Variants in NCOA6 observed in about 807,000 individuals in gnomAD.
NCOA6 encodes the protein NRC RAP250.
Under a neutral mutation model 171.4 loss-of-function variants are expected in NCOA6, and 49 were observed. The observed-to-expected ratio is 0.29, with a 90% CI of 0.23 to 0.36. The LOEUF is 0.36. NCOA6 is among the 10% of genes least tolerant of loss of function. The pLI is 1.00. For missense variants in NCOA6, 2,248 were observed against 2,554.5 expected (o/e 0.88, Z 2.59); for synonymous variants, 910 against 927.5 (o/e 0.98, Z 0.34).
intron 10 of NCOA6, 21 bp downstream of exon 10, chr20:34,746,786 A>G: frequency 1.2e-6 from 2 of 1,600,458 alleles, no homozygotes; most frequent in Non-Finnish European, 1.7e-6. Context: ...TAAGTATATA[A>G]TCTAGCTAAC....
intron 1 of NCOA6, among the ~76,000 whole-genome samples, chr20:34,801,312 A>C (rs955989766): frequency 6.6e-6 from 1 of 152,166 alleles, no homozygotes; most frequent in Non-Finnish European, 1.5e-5. Context: ...GAAAAGCAAG[A>C]GCAAACCAAA....
chr20:34,778,634 G>C (rs560470742), intron 3 of NCOA6, among the ~76,000 whole-genome samples: 4 of 151,856 alleles, frequency 2.6e-5, no homozygotes, highest in South Asian at 4.2e-4. Flanking sequence ...CACCATGTTG[G>C]CCAGGATGGT....
chr20:34,731,881 T>G (rs187306877), intron 13 of NCOA6, among the ~76,000 whole-genome samples: 1 of 152,010 alleles, frequency 6.6e-6, no homozygotes, highest in African/African-American at 2.4e-5. Flanking sequence ...ATTAGCTAGG[T>G]GTGGTGGTAC....
chr20:34,766,370 A>C (rs1287683163), intron 5 of NCOA6, among the ~76,000 whole-genome samples: 1 of 152,110 alleles, frequency 6.6e-6, no homozygotes. Flanking sequence ...TAATCCCAGC[A>C]CTTTGGGAGG....
intron 1 of NCOA6, among the ~76,000 whole-genome samples, chr20:34,811,719 T>C (rs1173174521): frequency 1.3e-5 from 2 of 152,214 alleles, no homozygotes; most frequent in African/African-American, 4.8e-5. Flanking sequence ...GAATGGTTAA[T>C]TGAAACAACA....
intron 4 of NCOA6, among the ~76,000 whole-genome samples, chr20:34,769,309 C>T (rs958261696): frequency 2.0e-5 from 3 of 152,120 alleles, no homozygotes; most frequent in African/African-American, 7.2e-5. Context: ...CCTGCTGCCT[C>T]AGCCTCCTGA....
At chr20:34,732,629 T>C in intron 12 of NCOA6, 34 bp from the exon 13 acceptor site, 2 of 1,593,816 alleles carry the variant, frequency 1.3e-6, no homozygotes, top group Admixed American at 1.7e-5. Flanking sequence ...AAATGAAATG[T>C]GGGAGCTGCC....
At chr20:34,822,499 G>C (rs757697080) in intron 1 of NCOA6, among the ~76,000 whole-genome samples, 2 of 152,130 alleles carry the variant, frequency 1.3e-5, no homozygotes, top group Admixed American at 1.3e-4. Flanking sequence ...CACCTTCCCT[G>C]ATTCTTTGAG....
At chr20:34,776,757 A>G (rs900221613) in intron 3 of NCOA6, 1 of 491,170 alleles carries the variant, frequency 2.0e-6, no homozygotes, top group African/African-American at 1.9e-5. Context: ...CTAGCATAGT[A>G]CCTGGCACAC....
chr20:34,799,095 T>G (rs1601084343), intron 1 of NCOA6, among the ~76,000 whole-genome samples: 1 of 152,214 alleles, frequency 6.6e-6, no homozygotes, highest in Middle Eastern at 3.4e-3. Flanking sequence ...AAATTCAAGA[T>G]AGCTCACAGA....
At chr20:34,820,233 G>A (rs6088617) in intron 1 of NCOA6, 51,294 of 151,678 alleles carry the variant, frequency 0.34, 9,084 homozygotes, top group Middle Eastern at 0.42. Context: ...AATGCAAAAA[G>A]TAGCAGGGCA....
At chr20:34,743,993 C>T (rs147759833) in intron 10 of NCOA6, among the ~76,000 whole-genome samples, 17 of 152,196 alleles carry the variant, frequency 1.1e-4, no homozygotes, top group African/African-American at 3.9e-4. Flanking sequence ...TGGGGGAAAC[C>T]GACTGAATTA....
chr20:34,725,938 T>G (rs1295309465), intron 14 of NCOA6, among the ~76,000 whole-genome samples: 1 of 152,124 alleles, frequency 6.6e-6, no homozygotes, highest in East Asian at 1.9e-4. Context: ...TGAAAGGCTG[T>G]TACTAAAGAA....
intron 5 of NCOA6, among the ~76,000 whole-genome samples, chr20:34,766,707 C>T (rs2076993683): frequency 6.6e-6 from 1 of 152,134 alleles, no homozygotes; most frequent in African/African-American, 2.4e-5. Context: ...GAAGGGATCT[C>T]TAGCATTGTT....
At chr20:34,748,542 TA>T (rs147304780) in intron 9 of NCOA6, among the ~76,000 whole-genome samples, 2,134 of 152,326 alleles carry the variant, frequency 0.014, 56 homozygotes, top group African/African-American at 0.048. Context: ...CCTCATTTAT[TA>T]TTTTTTTATG....
At chr20:34,727,703 C>T (rs945658740) in intron 13 of NCOA6, among the ~76,000 whole-genome samples, 1 of 151,590 alleles carries the variant, frequency 6.6e-6, no homozygotes, top group Admixed American at 6.6e-5. Flanking sequence ...TCCCCTAATT[C>T]CTCACCCATT....
chr20:34,799,022 A>G (rs1273241219), intron 1 of NCOA6, among the ~76,000 whole-genome samples: 1 of 152,200 alleles, frequency 6.6e-6, no homozygotes, highest in East Asian at 1.9e-4. Context: ...AATTCCAGAG[A>G]GACAGAGATA....
intron 8 of NCOA6, among the ~76,000 whole-genome samples, chr20:34,753,610 A>G (rs2076557912): frequency 6.6e-6 from 1 of 151,958 alleles, no homozygotes; most frequent in Non-Finnish European, 1.5e-5. Context: ...CAGTGAGCCG[A>G]TATTGAGCCA....
intron 1 of NCOA6, among the ~76,000 whole-genome samples, chr20:34,800,018 AAAT>A (rs368950454): frequency 2.0e-5 from 3 of 152,188 alleles, no homozygotes; most frequent in South Asian, 2.1e-4. Flanking sequence ...GACCAATTAA[AAAT>A]AATAACTACA....
Sources: allele counts gnomAD v4.1 joint callset (sites outside exome capture counted in the v4.1 genomes callset), GRCh38; gene constraint gnomAD v4.1.1; transcripts MANE v1.5; gene names NCBI Gene and HGNC (gene_info 2026-07-23, HGNC 2026-07-21).